GTPBP1: variants seen among roughly 807,000 people sequenced by gnomAD.
The protein encoded by GTPBP1 is GTP-binding protein 1.
GTPBP1 carries 23 observed loss-of-function variants against 62.0 expected under a neutral mutation model. The observed-to-expected ratio is 0.37, with a 90% CI of 0.27 to 0.53. GTPBP1 has a LOEUF of 0.53. Ranked by LOEUF, GTPBP1 falls within the 20% of genes least tolerant of loss-of-function variation. The pLI, the probability that GTPBP1 is intolerant of heterozygous loss-of-function variation, is 0.89. For missense variants in GTPBP1, 640 were observed against 917.3 expected, an observed-to-expected ratio of 0.70 and a Z score of 3.90; for synonymous variants, 344 against 364.4, an observed-to-expected ratio of 0.94 and a Z score of 0.64.
chr22:38,724,153 TCCAG>T, intron 5 of GTPBP1, 140 bp from the exon 6 acceptor site: 2 of 603,120 alleles, frequency 3.3e-6, no homozygotes, highest in Non-Finnish European at 6.1e-6. Flanking sequence ...TTTTTGCTTC[TCCAG>T]GCATTGTGGC....
rs1000973831 is a variant in GTPBP1, at chr22:38,731,001, C to G, written c.*297C>G. The G allele has an allele frequency of 2.8e-6, 1 of 358,962 alleles. No homozygotes were observed. The highest frequency in any genetic ancestry group is 4.8e-6 in the Non-Finnish European group (1 of 207,218). The allele number at this position is 358,962 out of a possible 1,614,324, so 22.2% of individuals were successfully genotyped here. On this transcript the variant is annotated 3_prime_UTR_variant, in exon 12 of 12. Transcript: ENST00000216044. ...TATTCTGTTTATTATATGTCTCTGT[C>G]TCTCTCTATTGTGTGTGTGTGTGTG...
chr22:38,727,102 G>C lies in GTPBP1; in HGVS notation c.1402-111G>C. On this transcript the variant is annotated intron_variant, in intron 8 of 11. Transcript: ENST00000216044. The surrounding 1 kb of genome is among the most constrained non-coding windows in gnomAD (Gnocchi z 6.5). The stretch of plus-strand genomic sequence containing the variant: ...TGTGGTCCAGTTGGTGAGGAAACCA[G>C]GCAGAGTTGGGGTGGTCCCTATCCC... 9.3e-7 allele frequency: 1 copy of C among 1,071,238 alleles called. No individual in the cohort carries two copies. Among genetic ancestry groups the C allele is most frequent in the South Asian group, 1.9e-5 (1 of 53,314 alleles). 66.4% of individuals were successfully genotyped at this position (1,071,238 alleles called of 1,614,324 possible).
At chr22:38,740,806 GGACCCCCCT>G, downstream of GTPBP1, 1 of 620,786 alleles carries the variant, frequency 1.6e-6, no homozygotes. This position sits in a 1 kb window ranked among gnomAD's most constrained non-coding sequence, Gnocchi z 4.8. Context: ...CCCGCCCTCA[GGACCCCCCT>G]GCTAACCTCC....
At chr22:38,738,151 C>T, downstream of GTPBP1, 9 of 1,611,222 alleles carry the variant, frequency 5.6e-6, no homozygotes, top group Non-Finnish European at 7.6e-6. This position sits in a 1 kb window ranked among gnomAD's most constrained non-coding sequence, Gnocchi z 6.6. Context: ...GCCACTTCTG[C>T]TAGCACAGCA....
chr22:38,712,890 G>A (rs752447562), intron 2 of GTPBP1, among the ~76,000 whole-genome samples: 4 of 152,154 alleles, frequency 2.6e-5, no homozygotes, highest in Non-Finnish European at 5.9e-5. Context: ...CAGCCCAACC[G>A]CTCCCTCTTT....
intron 2 of GTPBP1, 85 bp from the exon 3 acceptor site, chr22:38,715,822 G>A: frequency 1.7e-6 from 2 of 1,149,762 alleles, no homozygotes; most frequent in Non-Finnish European, 2.5e-6. Context: ...GGTGGCCTTT[G>A]TTAGGTGGGG....
Position 38,713,349 on chromosome 22 carries a change from G to A in GTPBP1, c.305-2558G>A, listed in dbSNP as rs186561977. Among the ~76,000 whole-genome samples the A allele has an allele frequency of 1.1e-3, 168 of 152,252 alleles. 1 individual carries two copies. Among genetic ancestry groups the A allele is most frequent in the Admixed American group, 3.9e-3 (60 of 15,292 alleles). ...ATAAGCTTTGACTTGAAGTGACGGC[G>A]TCAGAGTTGTGCTTTATTTAGGACC... is the stretch of plus-strand genomic sequence containing the variant. On this transcript the variant is annotated intron_variant, in intron 2 of 11. Coordinates refer to ENST00000216044, the MANE Select transcript of GTPBP1 (RefSeq NM_004286.5).
At chr22:38,729,201 G>A (rs969044370) in intron 10 of GTPBP1, 1 of 367,964 alleles carries the variant, frequency 2.7e-6, no homozygotes, top group African/African-American at 2.1e-5. Context: ...GAACAGGATG[G>A]AGCCTTTCTG....
At chr22:38,722,616 A>T in intron 5 of GTPBP1, 1 of 1,263,208 alleles carries the variant, frequency 7.9e-7, no homozygotes, top group Non-Finnish European at 1.1e-6. Context: ...ATTTAGAGTA[A>T]TATTTATGAG....
In GTPBP1 at chr22:38,717,013, C is replaced by T. The variant is rs761680359; in HGVS notation, c.834+13C>T. The T allele has an allele frequency of 1.5e-5, 23 of 1,552,684 alleles. No individual in the cohort carries two copies. Among genetic ancestry groups the T allele is most frequent in the African/African-American group, 2.7e-5 (2 of 73,692 alleles). On this transcript the variant is annotated intron_variant, in intron 4 of 11. Transcript: ENST00000216044. ...CTGCATGCTCATGGTGAGTGGGAGG[C>T]GCCCCAAGGAGGGGAGGCGTCAGCA...
intron 6 of GTPBP1, among the ~76,000 whole-genome samples, chr22:38,724,936 A>G (rs944184118): frequency 6.6e-6 from 1 of 152,166 alleles, no homozygotes; most frequent in Non-Finnish European, 1.5e-5. Flanking sequence ...GAGACTCTTC[A>G]TCTAGATGTT....
chr22:38,740,569 G>T, downstream of GTPBP1: 2 of 942,562 alleles, frequency 2.1e-6, no homozygotes, highest in Non-Finnish European at 3.0e-6. The surrounding 1 kb of genome is among the most constrained non-coding windows in gnomAD (Gnocchi z 4.8). Context: ...CCTGAGAAGG[G>T]GCAAGGCCTC....
chr22:38,729,699 G>A, intron 11 of GTPBP1, 37 bp downstream of exon 11: 1 of 1,398,952 alleles, frequency 7.1e-7, no homozygotes, highest in African/African-American at 1.5e-5. Flanking sequence ...GCATGGTGGT[G>A]GGGGCTGTGG....
rs971643642 is a variant in GTPBP1 at position 38,733,570 on chromosome 22, T to C, written c.*2866T>C. Reference sequence around the variant, plus strand: ...TGTAGTGGATGCAGAATAAAATTGTTAATCCAATCACCTCCAATGGCAAGG... The same window carrying C: ...TGTAGTGGATGCAGAATAAAATTGTCAATCCAATCACCTCCAATGGCAAGG... On this transcript the variant is annotated 3_prime_UTR_variant, in exon 12 of 12. Transcript: ENST00000216044. 3 of 152,296 alleles carry C rather than the reference T, an allele frequency of 2.0e-5. No individual in the cohort carries two copies. The highest frequency in any genetic ancestry group is 4.4e-5 in the Non-Finnish European group (3 of 68,078). 9.4% of individuals were successfully genotyped at this position (152,296 alleles called of 1,614,324 possible). A position where few individuals can be genotyped will look rare whatever the true frequency, so the allele number is the denominator to read the frequency against.
downstream of GTPBP1, among the ~76,000 whole-genome samples, chr22:38,741,247 C>T (rs922174781): frequency 6.6e-6 from 1 of 151,202 alleles, no homozygotes; most frequent in African/African-American, 2.5e-5. Context: ...ACTGAGGTAT[C>T]TGTTCACCCA....
chr22:38,740,237 A>C, downstream of GTPBP1: 1 of 1,519,176 alleles, frequency 6.6e-7, no homozygotes, highest in African/African-American at 1.4e-5. The surrounding 1 kb of genome is among the most constrained non-coding windows in gnomAD (Gnocchi z 4.8). Flanking sequence ...GAGGAGAGGG[A>C]CCAGCAGGGC....
At chr22:38,738,257 G>A (rs140151526), downstream of GTPBP1, 21 of 1,613,678 alleles carry the variant, frequency 1.3e-5, 1 homozygote, top group African/African-American at 6.7e-5. The surrounding 1 kb of genome is among the most constrained non-coding windows in gnomAD (Gnocchi z 6.6). Flanking sequence ...GCAGGTCTTC[G>A]TCAAACCCCT....
At chr22:38,742,528 G>A, downstream of GTPBP1, 1 of 1,612,902 alleles carries the variant, frequency 6.2e-7, no homozygotes, top group Non-Finnish European at 8.5e-7. Flanking sequence ...TCCAGAGAGT[G>A]TACCCGGGAC....
Position 38,705,968 on chromosome 22 carries a change from C to A in GTPBP1, c.13C>A (p.Arg5Ser), listed in dbSNP as rs1364316719. 3.5e-6 allele frequency: 5 copies of A among 1,443,286 alleles called. No individual in the cohort carries two copies. The highest frequency in any genetic ancestry group is 1.5e-5 in the African/African-American group (1 of 67,904). The allele number at this position is 1,443,286 out of a possible 1,614,324, so 89.4% of individuals were successfully genotyped here. The change falls in exon 1 of 12, where the codon CGC becomes AGC. Residue 5 changes from arginine to serine, a missense_variant. Around this residue, in one of 4 missense-constraint regions of GTPBP1, gnomAD observed 215 missense variants for 235.1 expected, o/e 0.91. Coordinates refer to ENST00000216044, the MANE Select transcript of GTPBP1 (RefSeq NM_004286.5). MATERSRSAMDSPVP... is the reference protein window; with the variant it reads MATESSRSAMDSPVP... ...TAAGTTATTAAAGATGGCGACGGAG[C>A]GCAGTCGCTCCGCGATGGACTCGCC...
Sources: gnomAD v4.1 joint callset for allele counts (sites outside exome capture counted in the v4.1 genomes callset) on GRCh38, gnomAD v4.1.1 for gene constraint, gnomAD v4.1.1 regional missense constraint, Gnocchi (gnomAD v3.1) non-coding constraint, MANE v1.5 for transcripts, NCBI Gene and HGNC (gene_info 2026-07-23, HGNC 2026-07-21) for gene names.